The following HPSE2 variants were observed in gnomAD, a reference collection of about 807,000 sequenced individuals.
The protein encoded by HPSE2 is inactive heparanase-2.
Under a neutral mutation model 60.5 loss-of-function variants are expected in HPSE2, and 38 were observed. The observed-to-expected ratio is 0.63, with a 90% CI of 0.48 to 0.82. The LOEUF (loss-of-function observed/expected upper bound fraction) is 0.82, where lower values mean the gene tolerates loss of function less well. Ranked by LOEUF, HPSE2 falls within the 40% of genes least tolerant of loss-of-function variation. HPSE2 has a pLI of 0.00. For missense variants in HPSE2, 713 were observed against 740.4 expected (o/e 0.96, Z 0.43); for synonymous variants, 295 against 293.2 (o/e 1.01, Z -0.06).
intron 3 of HPSE2, among the ~76,000 whole-genome samples, chr10:99,017,099 T>G (rs1957160489): frequency 6.6e-6 from 1 of 152,188 alleles, no homozygotes; most frequent in African/African-American, 2.4e-5. Context: ...CTATCCTGTC[T>G]TGTGCCAGTT....
In HPSE2 at chr10:98,716,442, A is replaced by AAAAAAAAT. The variant is rs145888719; in HGVS notation, c.956+5214_956+5215insATTTTTTT. On this transcript the variant is annotated intron_variant, in intron 5 of 11. Coordinates refer to ENST00000370552, the MANE Select transcript of HPSE2 (RefSeq NM_021828.5). ...CCTAAAACTTAAAGTATAATAATAA[A>AAAAAAAAT]AAATAAATAAATAAATAAATAAATT... Among the ~76,000 whole-genome samples, 576 of 148,082 alleles carry AAAAAAAAT rather than the reference A, an allele frequency of 3.9e-3. 1 individual carries two copies. The highest frequency in any genetic ancestry group is 6.7e-3 in the Non-Finnish European group (449 of 66,852).
At chr10:98,475,980 T>C (rs1047541456) in intron 11 of HPSE2, among the ~76,000 whole-genome samples, 1 of 151,708 alleles carries the variant, frequency 6.6e-6, no homozygotes, top group Non-Finnish European at 1.5e-5. Flanking sequence ...TGGGTATATA[T>C]CCAAAGGACT....
At chr10:98,780,449 G>A (rs919582116) in intron 3 of HPSE2, among the ~76,000 whole-genome samples, 1 of 152,044 alleles carries the variant, frequency 6.6e-6, no homozygotes, top group Non-Finnish European at 1.5e-5. Flanking sequence ...ATCGTAGTGG[G>A]AAAATCACAG....
intron 4 of HPSE2, among the ~76,000 whole-genome samples, chr10:98,741,638 C>T (rs1036233565): frequency 4.0e-5 from 6 of 151,812 alleles, no homozygotes; most frequent in Non-Finnish European, 7.4e-5. Flanking sequence ...TTATTCCCAT[C>T]AATCACTTGT....
chr10:98,878,122 A>G (rs1952925920), intron 3 of HPSE2, among the ~76,000 whole-genome samples: 1 of 151,968 alleles, frequency 6.6e-6, no homozygotes, highest in Admixed American at 6.6e-5. Context: ...GACAAAATAT[A>G]CAAGACGTTT....
At chr10:99,046,538 C>A (rs1194194570) in intron 3 of HPSE2, among the ~76,000 whole-genome samples, 2 of 152,022 alleles carry the variant, frequency 1.3e-5, no homozygotes, top group Admixed American at 6.6e-5. Flanking sequence ...ACATCAAACT[C>A]TCTCTCTTTG....
At chr10:99,251,708 T>TG in the HPSE2 span, among the ~76,000 whole-genome samples, 1 of 151,944 alleles carries the variant, frequency 6.6e-6, no homozygotes, top group African/African-American at 2.4e-5. Context: ...AATCAATATA[T>TG]GTGATTCACC....
At chr10:99,278,110 A>C in the HPSE2 span, among the ~76,000 whole-genome samples, 4 of 144,684 alleles carry the variant, frequency 2.8e-5, no homozygotes, top group African/African-American at 7.9e-5. Flanking sequence ...AAAAAAAAAA[A>C]CTGATATGCA....
At chr10:98,645,176 T>C (rs1208402650) in intron 6 of HPSE2, among the ~76,000 whole-genome samples, 5 of 152,198 alleles carry the variant, frequency 3.3e-5, no homozygotes, top group Admixed American at 2.6e-4. Context: ...CATACAGGAA[T>C]ACAATTTGTT....
intron 9 of HPSE2, among the ~76,000 whole-genome samples, chr10:98,539,357 A>G (rs897550843): frequency 6.6e-6 from 1 of 152,158 alleles, no homozygotes; most frequent in Non-Finnish European, 1.5e-5. Flanking sequence ...CCCCGTATCT[A>G]CTAAAAATAC....
At chr10:98,638,785 T>C (rs567820862) in intron 7 of HPSE2, among the ~76,000 whole-genome samples, 6 of 152,296 alleles carry the variant, frequency 3.9e-5, no homozygotes, top group Admixed American at 3.9e-4. Flanking sequence ...TATCCAGTGG[T>C]TCAAATCTCA....
chr10:98,646,109 A>G (rs1157475521), intron 6 of HPSE2, among the ~76,000 whole-genome samples: 4 of 152,218 alleles, frequency 2.6e-5, no homozygotes, highest in African/African-American at 9.6e-5. Context: ...GCTTCTAAGA[A>G]AACATTCAGC....
intron 10 of HPSE2, among the ~76,000 whole-genome samples, chr10:98,488,163 TAGAC>T (rs1226201379): frequency 2.0e-5 from 3 of 152,232 alleles, no homozygotes; most frequent in East Asian, 3.8e-4. Flanking sequence ...GCTGGTGGTG[TAGAC>T]AGACAGTCTT....
intron 3 of HPSE2, among the ~76,000 whole-genome samples, chr10:99,063,751 G>A (rs1391926176): frequency 2.0e-5 from 3 of 152,098 alleles, no homozygotes; most frequent in Non-Finnish European, 4.4e-5. Context: ...ATATAAATGT[G>A]CTTATATGTG....
intron 9 of HPSE2, among the ~76,000 whole-genome samples, chr10:98,609,081 C>A (rs111464797): frequency 6.6e-6 from 1 of 152,250 alleles, no homozygotes; most frequent in South Asian, 2.1e-4. Context: ...CTCCCCAGAC[C>A]CCAAACTCTT....
intron 9 of HPSE2, among the ~76,000 whole-genome samples, chr10:98,528,980 G>T (rs1161479108): frequency 1.3e-5 from 2 of 152,204 alleles, no homozygotes; most frequent in Admixed American, 1.3e-4. Flanking sequence ...GGTAACAACC[G>T]CAAACCACTT....
chr10:98,948,400 G>A (rs1283183423), intron 3 of HPSE2, among the ~76,000 whole-genome samples: 1 of 152,166 alleles, frequency 6.6e-6, no homozygotes, highest in African/African-American at 2.4e-5. Context: ...TGACTTGGTG[G>A]AGATGAGTGC....
chr10:99,298,095 C>T, the HPSE2 span, among the ~76,000 whole-genome samples: 1 of 152,210 alleles, frequency 6.6e-6, no homozygotes, highest in African/African-American at 2.4e-5. Flanking sequence ...GCCAAGTGGC[C>T]ACCCAATATT....
intron 6 of HPSE2, among the ~76,000 whole-genome samples, chr10:98,655,594 T>A (rs1043413088): frequency 6.6e-6 from 1 of 152,206 alleles, no homozygotes; most frequent in African/African-American, 2.4e-5. Context: ...TTTGCTTGTA[T>A]GAAATTTCAG....
Sources: gnomAD v4.1 joint callset for allele counts (sites outside exome capture counted in the v4.1 genomes callset) on GRCh38, gnomAD v4.1.1 for gene constraint, MANE v1.5 for transcripts, NCBI Gene and HGNC (gene_info 2026-07-23, HGNC 2026-07-21) for gene names.